LOX: variants seen among roughly 807,000 people sequenced by gnomAD.
The protein encoded by LOX is protein-lysine 6-oxidase.
A neutral mutation model predicts 50.5 loss-of-function variants in LOX; 12 were observed. That is an observed-to-expected ratio of 0.24 (90% CI 0.15 to 0.38). The LOEUF (loss-of-function observed/expected upper bound fraction) is 0.38, where lower values mean the gene tolerates loss of function less well. Ranked by LOEUF, LOX falls within the 10% of genes least tolerant of loss-of-function variation. LOX has a pLI of 1.00. For missense variants in LOX, 504 were observed against 563.8 expected, an observed-to-expected ratio of 0.89 and a Z score of 1.07; for synonymous variants, 254 against 230.6, an observed-to-expected ratio of 1.10 and a Z score of -0.92.
At chr5:122,072,328 G>T (rs184119173) in intron 4 of LOX, among the ~76,000 whole-genome samples, 2 of 152,200 alleles carry the variant, frequency 1.3e-5, no homozygotes, top group Non-Finnish European at 2.9e-5. Context: ...GGCATTTCAT[G>T]TAGGCAAAGT....
chr5:122,073,620 A>G (rs541057618), intron 4 of LOX, among the ~76,000 whole-genome samples: 1 of 152,338 alleles, frequency 6.6e-6, no homozygotes, highest in African/African-American at 2.4e-5. Flanking sequence ...GTTGTCAACC[A>G]TTCAGACTTT....
rs1349498267 is a variant in LOX, at chr5:122,074,045, G to C, written c.1003C>G (p.His335Asp). ...LEDTSCDYGY[H>D]RRFACTAHTQ... The stretch of plus-strand genomic sequence containing the variant: ...TGTGCAGTACATGCAAATCGCCTGT[G>C]GTAGCCATAGTCACAGGATGTGTCT... The change falls in exon 4 of 7, where the codon CAC (histidine) becomes GAC (aspartate). Residue 335 changes from histidine to aspartate, a missense_variant. By Grantham distance (81) the His-to-Asp change is moderately conservative. Transcript: ENST00000231004. 1 of 1,613,954 alleles carries C rather than the reference G, an allele frequency of 6.2e-7. No homozygotes were observed. The highest frequency in any genetic ancestry group is 8.5e-7 in the Non-Finnish European group (1 of 1,179,976).
chr5:122,077,700 C>A lies in LOX; in HGVS notation c.286G>T (p.Asp96Tyr). 1 of 1,594,808 alleles carries A rather than the reference C, an allele frequency of 6.3e-7. No homozygotes were observed. Among genetic ancestry groups the A allele is most frequent in the Non-Finnish European group, 8.5e-7 (1 of 1,173,540 alleles). Residue 96 changes from aspartate to tyrosine, a missense_variant, in exon 1 of 7, where the codon GAC becomes TAC. By Grantham distance (160) the Asp-to-Tyr change is radical. Coordinates refer to ENST00000231004, the MANE Select transcript of LOX (RefSeq NM_002317.7). This position sits in a 1 kb window ranked among gnomAD's most constrained non-coding sequence, Gnocchi z 4.9. ...QPRTPILLIRDNRTAAARTRT... is the reference protein window; with the variant it reads ...QPRTPILLIRYNRTAAARTRT... ...GTTCGCGCCGCGGCGGTGCGGTTGT[C>A]GCGGATCAGCAGGATCGGAGTGCGG...
At chr5:122,073,887 C>T in intron 4 of LOX, 126 bp downstream of exon 4, 2 of 842,868 alleles carry the variant, frequency 2.4e-6, no homozygotes, top group South Asian at 3.7e-5. Flanking sequence ...TCTTTGAGAA[C>T]AGTCTCTGTA....
chr5:122,077,940 A>G lies in LOX; in HGVS notation c.46T>C (p.Cys16Arg). 6.7e-7 allele frequency: 1 copy of G among 1,493,718 alleles called. No individual in the cohort carries two copies. The highest frequency in any genetic ancestry group is 1.4e-5 in the South Asian group (1 of 70,186). The allele number at this position is 1,493,718 out of a possible 1,614,324, so 92.5% of individuals were successfully genotyped here. ...TVLLLGPLQL[C>R]ALVHCAPPAA... ...GGAGGGGCGCAGTGCACTAGCGCGC[A>G]GAGCTGCAAAGGCCCGAGCAGGAGC... The change falls in exon 1 of 7, where the codon TGC (cysteine) becomes CGC (arginine). Residue 16 changes from cysteine (C) to arginine (R), a missense_variant. Coordinates refer to ENST00000231004, the MANE Select transcript of LOX (RefSeq NM_002317.7). The surrounding 1 kb of genome is among the most constrained non-coding windows in gnomAD (Gnocchi z 4.9).
intron 4 of LOX, among the ~76,000 whole-genome samples, chr5:122,071,779 G>A (rs1204673685): frequency 6.6e-6 from 1 of 152,054 alleles, no homozygotes; most frequent in Non-Finnish European, 1.5e-5. Flanking sequence ...GATCACTTTG[G>A]TCACCCAAGA....
chr5:122,068,498 A>G (rs1009554457), intron 6 of LOX, among the ~76,000 whole-genome samples: 1 of 152,082 alleles, frequency 6.6e-6, no homozygotes, highest in African/African-American at 2.4e-5. Flanking sequence ...TATATGTGTA[A>G]TTCTCTCACT....
Position 122,063,912 on chromosome 5 carries a change from A to G in LOX, c.*2831T>C, listed in dbSNP as rs1754231641. ...ATAATGCCTAGTGAGTAATTGGATGATAGAAATTGTAAATAAAGTTATTCT... is the reference window on the plus strand; with the variant it reads ...ATAATGCCTAGTGAGTAATTGGATGGTAGAAATTGTAAATAAAGTTATTCT... On this transcript the variant is annotated 3_prime_UTR_variant, in exon 7 of 7. Coordinates refer to ENST00000231004, the MANE Select transcript of LOX (RefSeq NM_002317.7). 1.3e-5 allele frequency: 2 copies of G among 151,976 alleles called. No homozygotes were observed. The highest frequency in any genetic ancestry group is 4.8e-5 in the African/African-American group (2 of 41,428). 9.4% of individuals were successfully genotyped at this position (151,976 alleles called of 1,614,324 possible).
In LOX at chr5:122,074,203, G is replaced by A. The variant is rs779760878; in HGVS notation, c.879-34C>T. On this transcript the variant is annotated intron_variant, in intron 3 of 6. Transcript: ENST00000231004. ...CCACAAAACAAAAAGATGGTGGTCA[G>A]TTACATACAGAGAAAGCAATGAAGA... 1.0e-5 allele frequency: 16 copies of A among 1,579,938 alleles called. No homozygotes were observed. In the Middle Eastern group the frequency reaches 5.0e-4, roughly 50 times the overall value.
rs959901565 is a variant in LOX at position 122,070,121 on chromosome 5, G to A, written c.1179C>T (p.Asn393=). The change falls in exon 6 of 7, where the codon AAC becomes AAT. Residue 393 remains asparagine (N), a synonymous_variant. Coordinates refer to ENST00000231004, the MANE Select transcript of LOX (RefSeq NM_002317.7). The part of the protein sequence containing the change: ...SYLVPESDYT[N]NVVRCDIRYT... ...AGCGAATGTCACAGCGCACAACATT[G>A]TTGGTATAGTCAGATTCAGGAACCA... is the stretch of plus-strand genomic sequence containing the variant. 3.7e-6 allele frequency: 6 copies of A among 1,613,170 alleles called. No homozygotes were observed. The highest frequency in any genetic ancestry group is 5.1e-6 in the Non-Finnish European group (6 of 1,179,388).
In LOX at chr5:122,077,542, C is replaced by G; in HGVS notation, c.444G>C (p.Pro148=). ...GASRAENQTA[P]GEVPALSNLR... is the part of the protein sequence containing the mutation. ...GGTTACTGAGCGCAGGAACTTCTCCCGGCGCTGTCTGGTTCTCCGCGCGCG... is the reference window on the plus strand; with the variant it reads ...GGTTACTGAGCGCAGGAACTTCTCCGGGCGCTGTCTGGTTCTCCGCGCGCG... The change falls in exon 1 of 7, where the codon CCG becomes CCC. Residue 148 remains proline, a synonymous_variant. Coordinates refer to ENST00000231004, the MANE Select transcript of LOX (RefSeq NM_002317.7). The surrounding 1 kb of genome is among the most constrained non-coding windows in gnomAD (Gnocchi z 4.9). The G allele has an allele frequency of 6.2e-7, 1 of 1,613,588 alleles. No individual in the cohort carries two copies. The highest frequency in any genetic ancestry group is 8.5e-7 in the Non-Finnish European group (1 of 1,179,950).
chr5:122,066,794 A>T (rs777090481), intron 6 of LOX, 45 bp from the exon 7 acceptor site: 2 of 1,214,364 alleles, frequency 1.6e-6, no homozygotes, highest in Non-Finnish European at 2.4e-6. Flanking sequence ...ACCTGATAAT[A>T]TAATGAATGA....
chr5:122,074,956 A>C (rs73285776), intron 3 of LOX, among the ~76,000 whole-genome samples: 4 of 152,344 alleles, frequency 2.6e-5, no homozygotes, highest in African/African-American at 9.6e-5. Flanking sequence ...GGCTTGATAC[A>C]GGTCTTTTAA....
intron 3 of LOX, among the ~76,000 whole-genome samples, chr5:122,074,818 G>A (rs1754569051): frequency 6.6e-6 from 1 of 152,170 alleles, no homozygotes; most frequent in Non-Finnish European, 1.5e-5. Context: ...TTGGATTTCA[G>A]GAAGTAAGTT....
At chr5:122,076,560 T>C (rs910749608) in intron 2 of LOX, among the ~76,000 whole-genome samples, 4 of 152,172 alleles carry the variant, frequency 2.6e-5, no homozygotes, top group South Asian at 2.1e-4. Context: ...ATTTTTTGAA[T>C]TACTGTATAG....
chr5:122,070,510 C>T lies in LOX; in HGVS notation c.1115G>A (p.Gly372Glu). 6.3e-7 allele frequency: 1 copy of T among 1,599,172 alleles called. No individual in the cohort carries two copies. Among genetic ancestry groups the T allele is most frequent in the Non-Finnish European group, 8.6e-7 (1 of 1,167,926 alleles). Residue 372 changes from glycine (G) to glutamate (E), a missense_variant, in exon 5 of 7, where the codon GGA becomes GAA. By Grantham distance (98) the Gly-to-Glu change is moderately conservative. Around this residue, in one of 2 missense-constraint regions of LOX, gnomAD observed 106 missense variants for 198.1 expected, o/e 0.54. Transcript: ENST00000231004. ...QWIDITDVKP[G>E]NYILKVSVNP... ...GGTCTTTACCTTTAGGATATAGTTT[C>T]CAGGTTTTACATCTGTAATATCAAT...
In LOX at chr5:122,077,851, C is replaced by A. The variant is rs577482351; in HGVS notation, c.135G>T (p.Gln45His). Residue 45 changes from glutamine to histidine, a missense_variant, in exon 1 of 7, where the codon CAG (glutamine) becomes CAT (histidine). Gln to His is a conservative substitution (Grantham distance 24). Transcript: ENST00000231004. The surrounding 1 kb of genome is among the most constrained non-coding windows in gnomAD (Gnocchi z 4.9). Reference sequence around the variant, plus strand: ...CCTGCCCGTTGTTCTCCCATTGGATCTGCTGGCGCCAGGCGCCCGGAGCCG... The same window carrying A: ...CCTGCCCGTTGTTCTCCCATTGGATATGCTGGCGCCAGGCGCCCGGAGCCG... The part of the protein sequence containing the change: ...PPAAPGAWRQ[Q>H]IQWENNGQVF... 4.2e-5 allele frequency: 65 copies of A among 1,544,662 alleles called. No individual in the cohort carries two copies. In the Middle Eastern group the frequency reaches 1.2e-3, roughly 28 times the overall value.
chr5:122,072,828 C>G (rs1014108548), intron 4 of LOX, among the ~76,000 whole-genome samples: 1 of 152,116 alleles, frequency 6.6e-6, no homozygotes, highest in African/African-American at 2.4e-5. Context: ...GTCTACAATC[C>G]CAGCTTCAAA....
In LOX at chr5:122,063,590, CTT is replaced by C. The variant is rs1298023045; in HGVS notation, c.*3151_*3152del. The C allele has an allele frequency of 6.6e-6, 1 of 151,780 alleles. No individual in the cohort carries two copies. The highest frequency in any genetic ancestry group is 1.5e-5 in the Non-Finnish European group (1 of 67,842). The allele number at this position is 151,780 out of a possible 1,614,324, so 9.4% of individuals were successfully genotyped here. A position where few individuals can be genotyped will look rare whatever the true frequency, so the allele number is the denominator to read the frequency against. ...GGAATTTTGGTAGCTAGGAATGAGA[CTT>C]AACTCACTGATTGAATATGTTGATT... On this transcript the variant is annotated 3_prime_UTR_variant, in exon 7 of 7. Coordinates refer to ENST00000231004, the MANE Select transcript of LOX (RefSeq NM_002317.7).
Sources: allele counts gnomAD v4.1 joint callset (sites outside exome capture counted in the v4.1 genomes callset), GRCh38; gene constraint gnomAD v4.1.1; regional missense constraint gnomAD v4.1.1; non-coding constraint Gnocchi (gnomAD v3.1); transcripts MANE v1.5; gene names NCBI Gene and HGNC (gene_info 2026-07-23, HGNC 2026-07-21).